PRKDC: variants seen among roughly 807,000 people sequenced by gnomAD.
The protein encoded by PRKDC is DNA-dependent protein kinase catalytic subunit.
A neutral mutation model predicts 486.9 loss-of-function variants in PRKDC; 82 were observed. The observed-to-expected ratio is 0.17, with a 90% confidence interval of 0.14 to 0.20. The LOEUF (loss-of-function observed/expected upper bound fraction) is 0.20. PRKDC is among the 10% of genes least tolerant of loss of function. The pLI is 1.00. For synonymous variants in PRKDC, 1,895 were observed against 1,837.0 expected (o/e 1.03, Z -0.81); for missense variants, 4,504 against 5,038.2 (o/e 0.89, Z 3.21).
At chr8:47,845,232 A>G (rs2088239624) in intron 54 of PRKDC, among the ~76,000 whole-genome samples, 1 of 152,188 alleles carries the variant, frequency 6.6e-6, no homozygotes, top group Admixed American at 6.5e-5. Flanking sequence ...AAAACCAACC[A>G]AAACAAAACA....
intron 68 of PRKDC, among the ~76,000 whole-genome samples, chr8:47,809,379 G>A (rs1042451129): frequency 2.6e-5 from 4 of 152,148 alleles, no homozygotes; most frequent in African/African-American, 9.7e-5. Flanking sequence ...ATAAATACAA[G>A]TGGGTACTGG....
chr8:47,910,118 T>C (rs1392473986), intron 25 of PRKDC, among the ~76,000 whole-genome samples: 2 of 152,150 alleles, frequency 1.3e-5, no homozygotes, highest in Non-Finnish European at 2.9e-5. Context: ...GTACTCTTTC[T>C]CTTTATTTCT....
intron 7 of PRKDC, among the ~76,000 whole-genome samples, chr8:47,950,672 G>A (rs1314361888): frequency 6.6e-6 from 1 of 150,552 alleles, no homozygotes; most frequent in African/African-American, 2.4e-5. Context: ...AGTTATATTT[G>A]TCCTTTCAAA....
chr8:47,825,645 G>C (rs922358772), intron 63 of PRKDC, among the ~76,000 whole-genome samples: 17 of 150,134 alleles, frequency 1.1e-4, no homozygotes, highest in African/African-American at 4.2e-4. Flanking sequence ...CTTAAAAGTT[G>C]TTTGCTTCAC....
chr8:47,861,917 T>C (rs959184048), intron 44 of PRKDC, 145 bp downstream of exon 44: 16 of 627,034 alleles, frequency 2.6e-5, no homozygotes, highest in Non-Finnish European at 3.8e-5. Context: ...GAAGCTACAA[T>C]TGCCAGATTT....
chr8:47,856,553 T>A (rs2088545636), intron 49 of PRKDC, among the ~76,000 whole-genome samples: 1 of 152,212 alleles, frequency 6.6e-6, no homozygotes. Flanking sequence ...TTATATTTAA[T>A]ACAGACTGTT....
rs1472328200 is a variant in PRKDC at position 47,799,409 on chromosome 8, T to G, written c.10117-19A>C. ...CGATCACCTGGAATTCACAGAGACC[T>G]AAACCCATGAGCATGACTGAAGCTT... On this transcript the variant is annotated intron_variant, in intron 71 of 85. Coordinates refer to ENST00000314191, the MANE Select transcript of PRKDC (RefSeq NM_006904.7). The G allele has an allele frequency of 6.7e-7, 1 of 1,499,892 alleles. No homozygotes were observed. The highest frequency in any genetic ancestry group is 8.9e-7 in the Non-Finnish European group (1 of 1,128,360). The allele number at this position is 1,499,892 out of a possible 1,614,324, so 92.9% of individuals were successfully genotyped here.
intron 44 of PRKDC, among the ~76,000 whole-genome samples, chr8:47,861,775 G>A (rs1422556970): frequency 6.6e-6 from 1 of 152,236 alleles, no homozygotes; most frequent in Non-Finnish European, 1.5e-5. Context: ...TTCTTTGACT[G>A]GAGCAATTCA....
In PRKDC at chr8:47,879,271, G is replaced by C. The variant is rs182302858; in HGVS notation, c.5235+220C>G. ...AGGCCACACACACATAAATAAATGG[G>C]ACATGGTGCTGATTCAGTATGTGCT... On this transcript the variant is annotated intron_variant, in intron 39 of 85. Coordinates refer to ENST00000314191, the MANE Select transcript of PRKDC (RefSeq NM_006904.7). Among the ~76,000 whole-genome samples the C allele has an allele frequency of 1.5e-3, 221 of 152,238 alleles. 1 individual carries two copies. Among genetic ancestry groups the C allele is most frequent in the African/African-American group, 4.9e-3 (203 of 41,534 alleles).
chr8:47,912,331 C>G (rs2089917904), intron 25 of PRKDC, 79 bp downstream of exon 25: 1 of 1,389,382 alleles, frequency 7.2e-7, no homozygotes, highest in African/African-American at 1.5e-5. Flanking sequence ...CCAGGTAATT[C>G]CACTGCTCTG....
chr8:47,785,406 G>T, intron 76 of PRKDC, 89 bp from the exon 77 acceptor site: 2 of 1,005,530 alleles, frequency 2.0e-6, no homozygotes, highest in Non-Finnish European at 3.0e-6. Flanking sequence ...TGAATGGAGT[G>T]CTCAATGGTA....
At chr8:47,799,487 C>A in intron 71 of PRKDC, 97 bp from the exon 72 acceptor site, 1 of 1,175,976 alleles carries the variant, frequency 8.5e-7, no homozygotes. Context: ...AATGGATCAA[C>A]AGCTCCAAAA....
intron 7 of PRKDC, 116 bp from the exon 8 acceptor site, chr8:47,944,145 A>G (rs1395067409): frequency 4.6e-6 from 4 of 874,152 alleles, no homozygotes; most frequent in Non-Finnish European, 7.3e-6. Flanking sequence ...TTCAGGAGAA[A>G]CATCTTTCAT....
intron 76 of PRKDC, among the ~76,000 whole-genome samples, chr8:47,785,577 T>G (rs2086777084): frequency 6.6e-6 from 1 of 151,858 alleles, no homozygotes; most frequent in Non-Finnish European, 1.5e-5. Context: ...CTACAAAAAA[T>G]AAAAACATTA....
intron 28 of PRKDC, among the ~76,000 whole-genome samples, chr8:47,898,978 T>A (rs2089632692): frequency 6.6e-6 from 1 of 152,242 alleles, no homozygotes; most frequent in Non-Finnish European, 1.5e-5. Flanking sequence ...GTGGCTATTT[T>A]AAAGGGGTGT....
At chr8:47,849,540 G>A in intron 52 of PRKDC, 37 bp from the exon 53 acceptor site, 1 of 1,602,712 alleles carries the variant, frequency 6.2e-7, no homozygotes, top group Non-Finnish European at 8.5e-7. Flanking sequence ...ACACAAAAGT[G>A]GAAATGTAGG....
chr8:47,851,642 A>C (rs956812551), intron 52 of PRKDC, among the ~76,000 whole-genome samples: 14 of 152,306 alleles, frequency 9.2e-5, no homozygotes, highest in African/African-American at 3.1e-4. Context: ...TGGGGTTGCA[A>C]ACTGGAGAAT....
rs546651655 is a variant in PRKDC, at chr8:47,845,017, C to A, written c.7280+4137G>T. 2.0e-3 allele frequency among the ~76,000 whole-genome samples: 306 copies of A among 152,222 alleles called. 1 individual carries two copies. Among genetic ancestry groups the A allele is most frequent in the African/African-American group, 7.0e-3 (291 of 41,552 alleles). On this transcript the variant is annotated intron_variant, in intron 54 of 85. Transcript: ENST00000314191. The stretch of plus-strand genomic sequence containing the variant: ...ATCATTTGAGGTCAGGAGTTTGAGA[C>A]CAGCCTGACCAACATAGTGAAACCC...
At position 47,810,667 on chromosome 8, in the gene PRKDC, G is replaced by A. The variant is rs867012762; in HGVS notation, c.9558-3341C>T. Among the ~76,000 whole-genome samples, 27 of 152,270 alleles carry A rather than the reference G, an allele frequency of 1.8e-4. 1 individual carries two copies. The highest frequency in any genetic ancestry group is 6.0e-4 in the African/African-American group (25 of 41,552). ...AAGCAGCTATGTTAACTATGCTCCA[G>A]GAGGTCAAGAAAAACACACATGCAA... On this transcript the variant is annotated intron_variant, in intron 68 of 85. Transcript: ENST00000314191.
Sources: allele counts gnomAD v4.1 joint callset (sites outside exome capture counted in the v4.1 genomes callset), GRCh38; gene constraint gnomAD v4.1.1; transcripts MANE v1.5; gene names NCBI Gene and HGNC (gene_info 2026-07-23, HGNC 2026-07-21).